The following RANBP2 variants were observed in gnomAD, a reference collection of about 807,000 sequenced individuals.
RANBP2 encodes the protein E3 SUMO-protein ligase RanBP2.
RANBP2 carries 57 observed loss-of-function variants against 303.6 expected under a neutral mutation model. The observed-to-expected ratio is 0.19, with a 90% CI of 0.15 to 0.23. The LOEUF (loss-of-function observed/expected upper bound fraction) is 0.23, where lower values mean the gene tolerates loss of function less well. Among genes scored for constraint, RANBP2 ranks in the 10% least tolerant of loss-of-function variants. RANBP2 has a pLI of 1.00. For missense variants in RANBP2, 3,138 were observed against 3,780.8 expected (o/e 0.83, Z 4.46); for synonymous variants, 1,167 against 1,301.5 (o/e 0.90, Z 2.23).
At chr2:108,921,418 C>T in the RANBP2 span, among the ~76,000 whole-genome samples, 2 of 152,202 alleles carry the variant, frequency 1.3e-5, no homozygotes, top group Non-Finnish European at 2.9e-5. Context: ...CAAGGATGTG[C>T]ACTTTGTTTG....
the RANBP2 span, among the ~76,000 whole-genome samples, chr2:109,090,308 CCTCACACACACACACACACACA>C: frequency 1.5e-5 from 2 of 132,836 alleles, no homozygotes; most frequent in East Asian, 2.2e-4. Context: ...GGACACCTCG[CCTCACACACACACACACACACA>C]CACACACACA....
At chr2:109,135,560 C>T in the RANBP2 span, among the ~76,000 whole-genome samples, 2 of 152,180 alleles carry the variant, frequency 1.3e-5, no homozygotes, top group African/African-American at 4.8e-5. Context: ...TCTCTTATCA[C>T]GCGTGAGGCA....
the RANBP2 span, among the ~76,000 whole-genome samples, chr2:109,475,603 C>T: frequency 1.3e-5 from 2 of 152,336 alleles, no homozygotes; most frequent in Middle Eastern, 3.4e-3. Context: ...AACCTTGGCA[C>T]TATCAGAGCC....
At chr2:109,195,077 C>T in the RANBP2 span, among the ~76,000 whole-genome samples, 1 of 152,110 alleles carries the variant, frequency 6.6e-6, no homozygotes, top group Non-Finnish European at 1.5e-5. Context: ...TACCCTGGTT[C>T]TTTGACTGAA....
At chr2:109,335,434 G>C in the RANBP2 span, among the ~76,000 whole-genome samples, 1 of 151,996 alleles carries the variant, frequency 6.6e-6, no homozygotes, top group Non-Finnish European at 1.5e-5. Context: ...TCTTCCACAC[G>C]CCACCTCCTC....
the RANBP2 span, among the ~76,000 whole-genome samples, chr2:109,395,433 G>A: frequency 6.6e-6 from 1 of 152,228 alleles, no homozygotes; most frequent in Admixed American, 6.5e-5. Context: ...CGGTTCGCCT[G>A]CCTGGCTGCT....
the RANBP2 span, among the ~76,000 whole-genome samples, chr2:109,420,725 A>G: frequency 3.3e-5 from 5 of 152,274 alleles, no homozygotes; most frequent in Admixed American, 6.5e-5. Flanking sequence ...GATTACAGGC[A>G]TGAGCCACCG....
chr2:109,239,646 C>T, the RANBP2 span, among the ~76,000 whole-genome samples: 1 of 151,820 alleles, frequency 6.6e-6, no homozygotes, highest in Non-Finnish European at 1.5e-5. Context: ...AAAGAGAGGC[C>T]GATGAAGCCA....
the RANBP2 span, among the ~76,000 whole-genome samples, chr2:109,482,945 A>T: frequency 3.3e-5 from 5 of 152,200 alleles, no homozygotes; most frequent in African/African-American, 1.2e-4. Context: ...ATTTTTGAAG[A>T]TGCATGTTAA....
chr2:109,049,515 C>T, the RANBP2 span, among the ~76,000 whole-genome samples: 1 of 152,190 alleles, frequency 6.6e-6, no homozygotes, highest in Non-Finnish European at 1.5e-5. Context: ...AGAAGCTCCC[C>T]TTGTGTGTAA....
At chr2:109,520,181 T>G in the RANBP2 span, among the ~76,000 whole-genome samples, 1 of 152,252 alleles carries the variant, frequency 6.6e-6, no homozygotes, top group South Asian at 2.1e-4. Flanking sequence ...TCTGAATTTA[T>G]GTCTTAAAAC....
At chr2:109,572,440 CTATTTTATATATGAAAAA>C in the RANBP2 span, among the ~76,000 whole-genome samples, 1 of 151,774 alleles carries the variant, frequency 6.6e-6, no homozygotes. Flanking sequence ...GCCTCTAGCC[CTATTTTATATATGAAAAA>C]TTGAATCCAA....
the RANBP2 span, among the ~76,000 whole-genome samples, chr2:109,093,308 A>G: frequency 6.7e-6 from 1 of 149,898 alleles, no homozygotes; most frequent in Non-Finnish European, 1.5e-5. Context: ...TAACTTTGTC[A>G]TTTATTAAGG....
At chr2:109,446,575 T>G in the RANBP2 span, among the ~76,000 whole-genome samples, 3 of 152,086 alleles carry the variant, frequency 2.0e-5, no homozygotes, top group African/African-American at 7.2e-5. Flanking sequence ...TAGAAGGTGG[T>G]ATCTGAGCCT....
chr2:108,719,650 T>C lies in RANBP2; in HGVS notation c.44T>C (p.Val15Ala). The C allele has an allele frequency of 6.2e-7, 1 of 1,607,814 alleles. No homozygotes were observed. Among genetic ancestry groups the C allele is most frequent in the East Asian group, 2.2e-5 (1 of 44,760 alleles). Residue 15 changes from valine (V) to alanine (A), a missense_variant, in exon 1 of 29, where the codon GTG becomes GCG. Around this residue, in one of 20 missense-constraint regions of RANBP2, gnomAD observed 306 missense variants for 381.9 expected, o/e 0.80. Coordinates refer to ENST00000283195, the MANE Select transcript of RANBP2 (RefSeq NM_006267.5). Reference sequence around the variant, plus strand: ...GACGTGGAGCGGTACATCGCCTCGGTGCAGGGCTCCACCCCGTCGCCTCGA... The same window carrying C: ...GACGTGGAGCGGTACATCGCCTCGGCGCAGGGCTCCACCCCGTCGCCTCGA... The part of the protein sequence containing the change: ...KADVERYIAS[V>A]QGSTPSPRQK...
chr2:109,179,003 A>AGTGTGTGTG, the RANBP2 span, among the ~76,000 whole-genome samples: 3 of 142,066 alleles, frequency 2.1e-5, no homozygotes, highest in African/African-American at 5.1e-5. Context: ...AAGTATAATA[A>AGTGTGTGTG]TGTGTGTGTG....
chr2:108,852,542 A>T, the RANBP2 span, among the ~76,000 whole-genome samples: 1 of 152,270 alleles, frequency 6.6e-6, no homozygotes, highest in Non-Finnish European at 1.5e-5. Flanking sequence ...AAAATGTGGT[A>T]CATATACACT....
At chr2:109,657,079 C>G in the RANBP2 span, among the ~76,000 whole-genome samples, 1 of 152,126 alleles carries the variant, frequency 6.6e-6, no homozygotes, top group Non-Finnish European at 1.5e-5. Context: ...TTAGAAACAA[C>G]CTCTGGATTC....
chr2:108,810,432 T>C, the RANBP2 span, among the ~76,000 whole-genome samples: 3 of 152,376 alleles, frequency 2.0e-5, no homozygotes, highest in East Asian at 5.8e-4. Context: ...CATTCTGTTA[T>C]ACTCTTCATT....
Sources: allele counts gnomAD v4.1 joint callset (sites outside exome capture counted in the v4.1 genomes callset), GRCh38; gene constraint gnomAD v4.1.1; regional missense constraint gnomAD v4.1.1; transcripts MANE v1.5; gene names NCBI Gene and HGNC (gene_info 2026-07-23, HGNC 2026-07-21).